Variants in GPATCH8 observed in about 807,000 individuals in gnomAD.
The protein encoded by GPATCH8 is G-patch domain containing 8, also known as G patch domain-containing protein 8.
GPATCH8 carries 18 observed loss-of-function variants against 118.3 expected under a neutral mutation model. The ratio of observed to expected loss-of-function variants is 0.15; its 90% CI spans 0.11 to 0.23. The LOEUF is 0.23. Among genes scored for constraint, GPATCH8 ranks in the 10% least tolerant of loss-of-function variants. The pLI, the probability that GPATCH8 is intolerant of heterozygous loss-of-function variation, is 1.00. For synonymous variants in GPATCH8, 659 were observed against 684.7 expected (o/e 0.96, Z 0.59); for missense variants, 1,631 against 1,873.8 (o/e 0.87, Z 2.39).
chr17:44,415,761 C>T (rs2143812184), intron 6 of GPATCH8, among the ~76,000 whole-genome samples: 1 of 152,276 alleles, frequency 6.6e-6, no homozygotes, highest in South Asian at 2.1e-4. Context: ...GCATCTCTAC[C>T]ACAGTGCATC....
intron 1 of GPATCH8, among the ~76,000 whole-genome samples, chr17:44,483,176 A>AAAATATAT (rs1555646771): frequency 7.7e-5 from 1 of 12,952 alleles, no homozygotes; most frequent in Non-Finnish European, 1.4e-4. Flanking sequence ...AAAAAAAAAA[A>AAAATATAT]ATATATATAT....
intron 3 of GPATCH8, among the ~76,000 whole-genome samples, chr17:44,446,631 A>AAT (rs747466854): frequency 9.2e-5 from 14 of 152,130 alleles, no homozygotes; most frequent in African/African-American, 7.2e-5. Context: ...AAGAGTGGAA[A>AAT]ATATTTGAGT....
Position 44,488,354 on chromosome 17 carries a change from C to T in GPATCH8, c.46-13451G>A, listed in dbSNP as rs548118776. 4.0e-5 allele frequency among the ~76,000 whole-genome samples: 6 copies of T among 151,096 alleles called. No individual in the cohort carries two copies. In the East Asian group the frequency reaches 1.2e-3, roughly 30 times the overall value. ...GGACTACAGGTGTGCACCACCACGCCAGACCAATTTATTTTATTTTATTTA... is the reference window on the plus strand; with the variant it reads ...GGACTACAGGTGTGCACCACCACGCTAGACCAATTTATTTTATTTTATTTA... On this transcript the variant is annotated intron_variant, in intron 1 of 7. Transcript: ENST00000591680.
intron 3 of GPATCH8, among the ~76,000 whole-genome samples, chr17:44,439,945 G>T (rs957044661): frequency 6.6e-6 from 1 of 151,914 alleles, no homozygotes; most frequent in African/African-American, 2.4e-5. Flanking sequence ...CACCGTGCCC[G>T]GCTAATTCTG....
intron 6 of GPATCH8, among the ~76,000 whole-genome samples, chr17:44,411,534 A>C (rs1192992620): frequency 6.6e-6 from 1 of 152,126 alleles, no homozygotes; most frequent in African/African-American, 2.4e-5. Flanking sequence ...CATTTTTCTC[A>C]TGTAAAGGGG....
chr17:44,474,580 G>A, intron 2 of GPATCH8: 2 of 573,888 alleles, frequency 3.5e-6, no homozygotes, highest in Non-Finnish European at 6.3e-6. Flanking sequence ...CAAAGTATCG[G>A]TATGGGCCAA....
chr17:44,444,723 A>G (rs921295748), intron 3 of GPATCH8, among the ~76,000 whole-genome samples: 1 of 152,078 alleles, frequency 6.6e-6, no homozygotes, highest in Non-Finnish European at 1.5e-5. Flanking sequence ...CAGTGAGCCG[A>G]GATCACACCA....
chr17:44,493,159 TCTC>T (rs886939089), intron 1 of GPATCH8, among the ~76,000 whole-genome samples: 17 of 150,940 alleles, frequency 1.1e-4, no homozygotes, highest in African/African-American at 3.9e-4. Flanking sequence ...TTCATGCAAT[TCTC>T]CTGCCTCAGC....
chr17:44,406,302 G>A (rs867624968), intron 6 of GPATCH8, among the ~76,000 whole-genome samples: 1 of 152,082 alleles, frequency 6.6e-6, no homozygotes, highest in South Asian at 2.1e-4. Context: ...GATCTCAAAT[G>A]CAACAAGCAA....
In GPATCH8 at chr17:44,397,960, T is replaced by C. The variant is rs144514951; in HGVS notation, c.4117A>G (p.Thr1373Ala). The C allele has an allele frequency of 7.9e-5, 127 of 1,613,908 alleles. 1 individual carries two copies. Among genetic ancestry groups the C allele is most frequent in the Non-Finnish European group, 4.4e-5 (52 of 1,179,956 alleles). Residue 1373 changes from threonine (T) to alanine (A), a missense_variant, in exon 8 of 8, where the codon ACA becomes GCA. By Grantham distance (58) the Thr-to-Ala change is moderately conservative. Coordinates refer to ENST00000591680, the MANE Select transcript of GPATCH8 (RefSeq NM_001002909.4). ...TGTAGGATGGCATGCTGAACAGTTGTGATGGAGGTGGCAGAGGCTGTAGCT... is the reference window on the plus strand; with the variant it reads ...TGTAGGATGGCATGCTGAACAGTTGCGATGGAGGTGGCAGAGGCTGTAGCT... ...QPATASATSI[T>A]TVQHAILQHH...
intron 7 of GPATCH8, among the ~76,000 whole-genome samples, chr17:44,401,996 T>G (rs1369789491): frequency 7.5e-6 from 1 of 134,070 alleles, no homozygotes; most frequent in African/African-American, 2.8e-5. Context: ...AGAGCGAGAC[T>G]CCCTCTCAAA....
In GPATCH8 at chr17:44,400,484, T is replaced by C. The variant is rs778537259; in HGVS notation, c.1593A>G (p.Lys531=). The change falls in exon 8 of 8, where the codon AAA becomes AAG. Residue 531 remains lysine, a synonymous_variant. Transcript: ENST00000591680. ...PAGKESQEGP[K]HPTGPFFPVL... is the part of the protein sequence containing the mutation. Reference sequence around the variant, plus strand: ...CTGGGAAGAAGGGACCAGTAGGATGTTTGGGTCCTTCTTGGCTTTCTTTCC... The same window carrying C: ...CTGGGAAGAAGGGACCAGTAGGATGCTTGGGTCCTTCTTGGCTTTCTTTCC... 2 of 1,614,162 alleles carry C rather than the reference T, an allele frequency of 1.2e-6. No individual in the cohort carries two copies. Among genetic ancestry groups the C allele is most frequent in the East Asian group, 2.2e-5 (1 of 44,892 alleles).
At chr17:44,426,925 A>G (rs545828086) in intron 5 of GPATCH8, among the ~76,000 whole-genome samples, 5 of 152,040 alleles carry the variant, frequency 3.3e-5, no homozygotes, top group East Asian at 1.9e-4. Flanking sequence ...AATAAATACT[A>G]TAAGATATCT....
chr17:44,401,437 G>A lies in GPATCH8; in HGVS notation c.640C>T (p.Pro214Ser). Residue 214 changes from proline to serine, a missense_variant, in exon 8 of 8, where the codon CCC becomes TCC. Pro to Ser is a moderately conservative substitution (Grantham distance 74). Coordinates refer to ENST00000591680, the MANE Select transcript of GPATCH8 (RefSeq NM_001002909.4). ...KQAECAPGSGPMFKPTTVAVD... is the reference protein window; with the variant it reads ...KQAECAPGSGSMFKPTTVAVD... The stretch of plus-strand genomic sequence containing the variant: ...GCCACTGTGGTTGGTTTGAACATGG[G>A]ACCACTTCCAGGTGCACTACATGAT... 6.2e-7 allele frequency: 1 copy of A among 1,607,844 alleles called. No homozygotes were observed.
At position 44,401,376 on chromosome 17, in the gene GPATCH8, T is replaced by G. The variant is rs1325684248; in HGVS notation, c.701A>C (p.Glu234Ala). 6.2e-7 allele frequency: 1 copy of G among 1,612,480 alleles called. No individual in the cohort carries two copies. Among genetic ancestry groups the G allele is most frequent in the African/African-American group, 1.3e-5 (1 of 74,824 alleles). ...DEEGGEDDKD[E>A]SATNSGTGAT... ...ACCTGTGCCACTATTTGTAGCTGAT[T>G]CATCTTTATCATCTTCTCCACCTTC... The change falls in exon 8 of 8, where the codon GAA (glutamate) becomes GCA (alanine). Residue 234 changes from glutamate (E) to alanine (A), a missense_variant. By Grantham distance (107) the Glu-to-Ala change is moderately radical (BLOSUM62 -1). This residue lies in a region of GPATCH8 where 405 missense variants were observed against 462.7 expected (regional missense o/e 0.88). Transcript: ENST00000591680.
chr17:44,416,328 T>A (rs1281278736), intron 6 of GPATCH8, among the ~76,000 whole-genome samples: 7 of 149,112 alleles, frequency 4.7e-5, no homozygotes, highest in African/African-American at 1.7e-4. Context: ...GATTTTTTTT[T>A]AAGGTTAGCT....
At chr17:44,419,053 C>T (rs2049796837) in intron 6 of GPATCH8, among the ~76,000 whole-genome samples, 1 of 152,160 alleles carries the variant, frequency 6.6e-6, no homozygotes, top group African/African-American at 2.4e-5. Flanking sequence ...ACCCCCGCAT[C>T]CTGTCAGGAA....
At chr17:44,499,122 T>C (rs1321836443) in intron 1 of GPATCH8, among the ~76,000 whole-genome samples, 1 of 152,222 alleles carries the variant, frequency 6.6e-6, no homozygotes, top group East Asian at 1.9e-4. Flanking sequence ...TTGTTTCTCT[T>C]ATCAACTTAT....
chr17:44,445,072 T>A (rs1389173897), intron 3 of GPATCH8, among the ~76,000 whole-genome samples: 5 of 152,216 alleles, frequency 3.3e-5, no homozygotes, highest in African/African-American at 4.8e-5. Flanking sequence ...AAAAAATATG[T>A]AAACTTTTAT....
Sources: gnomAD v4.1 joint callset for allele counts (sites outside exome capture counted in the v4.1 genomes callset) on GRCh38, gnomAD v4.1.1 for gene constraint, gnomAD v4.1.1 regional missense constraint, MANE v1.5 for transcripts, NCBI Gene and HGNC (gene_info 2026-07-23, HGNC 2026-07-21) for gene names.